BANK1: variants seen among roughly 807,000 people sequenced by gnomAD.
The protein encoded by BANK1 is B cell scaffold protein with ankyrin repeats 1, also known as B-cell scaffold protein with ankyrin repeats.
Under a neutral mutation model 94.5 loss-of-function variants are expected in BANK1, and 95 were observed. The ratio of observed to expected loss-of-function variants is 1.00; its 90% confidence interval spans 0.85 to 1.19. The LOEUF (loss-of-function observed/expected upper bound fraction) is 1.19, where lower values mean the gene tolerates loss of function less well. Ranked by LOEUF, BANK1 falls within the 50% of genes most tolerant of loss-of-function variation. BANK1 has a pLI of 0.00. For missense variants in BANK1, 987 were observed against 932.2 expected (o/e 1.06, Z -0.77); for synonymous variants, 334 against 308.4 (o/e 1.08, Z -0.87).
rs1578358999 is a variant in BANK1, at chr4:101,854,976, T to A, written c.470-59T>A. 2.3e-6 allele frequency: 3 copies of A among 1,320,034 alleles called. No individual in the cohort carries two copies. In the East Asian group the frequency reaches 7.0e-5, roughly 31 times the overall value. The allele number at this position is 1,320,034 out of a possible 1,614,324, so 81.8% of individuals were successfully genotyped here. Reference sequence around the variant, plus strand: ...GTTTAGCAATTAGTCTTTATAGCAATGGAGGAAATACTGTGGCTTTAGTTA... The same window carrying A: ...GTTTAGCAATTAGTCTTTATAGCAAAGGAGGAAATACTGTGGCTTTAGTTA... On this transcript the variant is annotated intron_variant, in intron 2 of 16. Transcript: ENST00000322953.
At chr4:101,940,779 C>G (rs770778700) in intron 7 of BANK1, among the ~76,000 whole-genome samples, 2 of 151,786 alleles carry the variant, frequency 1.3e-5, no homozygotes, top group Non-Finnish European at 2.9e-5. Context: ...ATGATATTTC[C>G]TATCAACATA....
chr4:101,807,452 C>G (rs1259999868), intron 1 of BANK1, among the ~76,000 whole-genome samples: 1 of 152,042 alleles, frequency 6.6e-6, no homozygotes, highest in Non-Finnish European at 1.5e-5. Context: ...AGCTCCAAAC[C>G]GAGACATTGT....
intron 1 of BANK1, chr4:101,813,907 A>T (rs138120627): frequency 1.0e-6 from 1 of 985,124 alleles, no homozygotes; most frequent in Non-Finnish European, 1.2e-6. Context: ...CTTGCATCTG[A>T]TGAGTAGAAA....
In BANK1 at chr4:101,790,768, G is replaced by A; in HGVS notation, c.-113G>A. On this transcript the variant is annotated 5_prime_UTR_variant, in exon 1 of 17. Coordinates refer to ENST00000322953, the MANE Select transcript of BANK1 (RefSeq NM_017935.5). ...AGCCTCCGCGGGTGGCAAGCGGGCT[G>A]GGGAGAGCCGAGGGCCAAAGGAAGA... The A allele has an allele frequency of 1.7e-6, 2 of 1,182,996 alleles. No homozygotes were observed. The highest frequency in any genetic ancestry group is 2.6e-5 in the South Asian group (2 of 76,054). 73.3% of individuals were successfully genotyped at this position (1,182,996 alleles called of 1,614,324 possible).
At chr4:102,066,311 C>T (rs1181814867) in intron 13 of BANK1, among the ~76,000 whole-genome samples, 1 of 149,436 alleles carries the variant, frequency 6.7e-6, no homozygotes, top group Non-Finnish European at 1.5e-5. Flanking sequence ...GGCTGGAGTG[C>T]AGTGGCACGA....
At chr4:102,015,730 C>T (rs551586413) in intron 7 of BANK1, among the ~76,000 whole-genome samples, 42 of 152,196 alleles carry the variant, frequency 2.8e-4, no homozygotes, top group African/African-American at 9.4e-4. Context: ...TGTGAAAAAT[C>T]GTGTTCATAC....
At position 102,063,084 on chromosome 4, in the gene BANK1, C is replaced by T. The variant is rs761282774; in HGVS notation, c.2158C>T (p.Arg720Ter). 31 of 1,612,924 alleles carry T rather than the reference C, an allele frequency of 1.9e-5. No homozygotes were observed. The highest frequency in any genetic ancestry group is 9.9e-5 in the South Asian group (9 of 91,008). ...GLEMIQQEKL[R>*]QLRDCIIGKR... Reference sequence around the variant, plus strand: ...TTGTTTCCACATTAAGGAGAAATTACGACAACTACGAGACTGCATTATTGG... The same window carrying T: ...TTGTTTCCACATTAAGGAGAAATTATGACAACTACGAGACTGCATTATTGG... The change falls in exon 13 of 17, where the codon CGA becomes TGA. Residue 720 changes from arginine to a stop codon, truncating the protein, a stop_gained. Transcript: ENST00000322953. LOFTEE classifies it high-confidence loss of function.
intron 10 of BANK1, among the ~76,000 whole-genome samples, chr4:102,041,923 A>C (rs1470611821): frequency 6.6e-6 from 1 of 152,072 alleles, no homozygotes; most frequent in African/African-American, 2.4e-5. Flanking sequence ...TAACAAATTA[A>C]TGCCAAAAAG....
intron 7 of BANK1, among the ~76,000 whole-genome samples, chr4:101,975,906 G>A (rs144610018): frequency 2.6e-5 from 4 of 152,170 alleles, no homozygotes; most frequent in African/African-American, 4.8e-5. Context: ...GATAACTTCC[G>A]TCCTTTCTCT....
At chr4:101,846,247 AC>A (rs2148870042) in intron 2 of BANK1, among the ~76,000 whole-genome samples, 1 of 152,248 alleles carries the variant, frequency 6.6e-6, no homozygotes, top group Non-Finnish European at 1.5e-5. Flanking sequence ...ATGCAGCCAT[AC>A]AAAATGATGA....
At chr4:102,006,856 G>A (rs948953361) in intron 7 of BANK1, among the ~76,000 whole-genome samples, 3 of 150,542 alleles carry the variant, frequency 2.0e-5, no homozygotes, top group African/African-American at 7.3e-5. Flanking sequence ...ATAACATAGG[G>A]GTAACTGGAA....
rs75439464 is a variant in BANK1, at chr4:101,954,444, G to A, written c.1206+36255G>A. Among the ~76,000 whole-genome samples, 851 of 152,204 alleles carry A rather than the reference G, an allele frequency of 5.6e-3. 15 individuals carry two copies. The East Asian group carries it at 0.057, about 10-fold the overall frequency. On this transcript the variant is annotated intron_variant, in intron 7 of 16. Transcript: ENST00000322953. ...TCCTGCTCTTCACATTTAGCAAGAA[G>A]ATCAAATCTAAACGAAGCCAGGTAA... is the stretch of plus-strand genomic sequence containing the variant.
At chr4:101,860,824 T>C (rs1402050762) in intron 3 of BANK1, among the ~76,000 whole-genome samples, 1 of 152,158 alleles carries the variant, frequency 6.6e-6, no homozygotes, top group Non-Finnish European at 1.5e-5. Flanking sequence ...ACTATCCAAA[T>C]GTGGAAAGCC....
chr4:102,025,755 C>T (rs1041417060), intron 9 of BANK1, among the ~76,000 whole-genome samples: 1 of 151,876 alleles, frequency 6.6e-6, no homozygotes, highest in Non-Finnish European at 1.5e-5. Context: ...CCCTCCTTCC[C>T]TTTCTTCCTT....
At chr4:101,927,147 G>A (rs1723184007) in intron 7 of BANK1, among the ~76,000 whole-genome samples, 1 of 151,722 alleles carries the variant, frequency 6.6e-6, no homozygotes, top group African/African-American at 2.4e-5. Context: ...ACATGACTGG[G>A]GAGACCCCAG....
At chr4:102,028,073 C>G (rs1315713103) in intron 9 of BANK1, among the ~76,000 whole-genome samples, 6 of 152,106 alleles carry the variant, frequency 3.9e-5, no homozygotes, top group African/African-American at 1.4e-4. Flanking sequence ...TTATCTGATA[C>G]TTTGGAAAAT....
chr4:101,799,587 T>C (rs1725280200), intron 1 of BANK1, among the ~76,000 whole-genome samples: 1 of 151,942 alleles, frequency 6.6e-6, no homozygotes, highest in African/African-American at 2.4e-5. Flanking sequence ...ATTAAGAAAA[T>C]TTGGTGGCCG....
chr4:102,055,780 C>T (rs910366504), intron 11 of BANK1, among the ~76,000 whole-genome samples: 13 of 152,146 alleles, frequency 8.5e-5, no homozygotes, highest in South Asian at 4.1e-4. Context: ...ATTTTCCTAA[C>T]GGGAAATTAA....
intron 2 of BANK1, among the ~76,000 whole-genome samples, chr4:101,847,318 T>G (rs896688792): frequency 6.6e-6 from 1 of 152,164 alleles, no homozygotes; most frequent in African/African-American, 2.4e-5. Context: ...TTAGTTGTTA[T>G]TCATATTCAT....
Sources: gnomAD v4.1 joint callset for allele counts (sites outside exome capture counted in the v4.1 genomes callset) on GRCh38, gnomAD v4.1.1 for gene constraint, MANE v1.5 for transcripts, NCBI Gene and HGNC (gene_info 2026-07-23, HGNC 2026-07-21) for gene names.